LAMA2: variants seen among roughly 807,000 people sequenced by gnomAD.
LAMA2 encodes the protein laminin subunit alpha-2.
A neutral mutation model predicts 364.8 loss-of-function variants in LAMA2; 269 were observed. The ratio of observed to expected loss-of-function variants is 0.74; its 90% CI spans 0.67 to 0.82. The LOEUF (loss-of-function observed/expected upper bound fraction) is 0.82, where lower values mean the gene tolerates loss of function less well. LAMA2 is among the 40% of genes least tolerant of loss of function. The pLI, the probability that LAMA2 is intolerant of heterozygous loss-of-function variation, is 0.00. For synonymous variants in LAMA2, 1,379 were observed against 1,370.6 expected (o/e 1.01, Z -0.14); for missense variants, 3,807 against 3,873.2 (o/e 0.98, Z 0.45).
intron 44 of LAMA2, among the ~76,000 whole-genome samples, chr6:129,443,858 T>C (rs955824709): frequency 6.6e-6 from 1 of 152,064 alleles, no homozygotes; most frequent in African/African-American, 2.4e-5. Context: ...CAGCGGAAAA[T>C]GAGAGCAACT....
intron 1 of LAMA2, among the ~76,000 whole-genome samples, chr6:129,008,228 T>A (rs1409182782): frequency 6.6e-6 from 1 of 152,090 alleles, no homozygotes; most frequent in Non-Finnish European, 1.5e-5. Flanking sequence ...AAACTCTGTG[T>A]GCATTTACTG....
At chr6:129,288,090 AAT>A (rs1789407646) in intron 19 of LAMA2, 32 bp downstream of exon 19, 1 of 1,575,406 alleles carries the variant, frequency 6.3e-7, no homozygotes, top group East Asian at 2.2e-5. Context: ...CCCCTGACAG[AAT>A]TGATGTATTG....
chr6:129,442,347 C>T (rs1782161900), intron 43 of LAMA2: 3 of 546,906 alleles, frequency 5.5e-6, no homozygotes, highest in Admixed American at 5.4e-5. Context: ...GAGATAAAAA[C>T]ATTTTTTAAA....
At chr6:129,047,294 C>G (rs1272244495) in intron 1 of LAMA2, among the ~76,000 whole-genome samples, 1 of 152,148 alleles carries the variant, frequency 6.6e-6, no homozygotes, top group African/African-American at 2.4e-5. Flanking sequence ...TAATATTTCT[C>G]TAACCAACAA....
In LAMA2 at chr6:129,509,921, A is replaced by T. The variant is rs1213098764; in HGVS notation, c.8857+2279A>T. ...AATAGGGATTATATTAAATCTGCAGATTGCTCTGGGTAGTATGGACATTTT... is the reference window on the plus strand; with the variant it reads ...AATAGGGATTATATTAAATCTGCAGTTTGCTCTGGGTAGTATGGACATTTT... On this transcript the variant is annotated intron_variant, in intron 62 of 64. Coordinates refer to ENST00000421865, the MANE Select transcript of LAMA2 (RefSeq NM_000426.4). 2.0e-5 allele frequency among the ~76,000 whole-genome samples: 3 copies of T among 152,262 alleles called. No homozygotes were observed. The East Asian group carries it at 5.8e-4, about 29-fold the overall frequency.
chr6:129,087,715 G>T (rs1774462435), intron 3 of LAMA2, among the ~76,000 whole-genome samples: 1 of 151,928 alleles, frequency 6.6e-6, no homozygotes, highest in South Asian at 2.1e-4. Context: ...GAGAGTGATT[G>T]TAATAGGGTG....
intron 1 of LAMA2, among the ~76,000 whole-genome samples, chr6:128,924,483 A>C (rs943130356): frequency 6.6e-6 from 1 of 152,178 alleles, no homozygotes; most frequent in African/African-American, 2.4e-5. Context: ...ACAACCTGCC[A>C]TTTTGATTGT....
intron 22 of LAMA2, among the ~76,000 whole-genome samples, chr6:129,305,542 C>T (rs1465556523): frequency 2.0e-5 from 3 of 152,008 alleles, no homozygotes; most frequent in East Asian, 1.9e-4. Context: ...CCATGCTTGT[C>T]TCAAAGTCCT....
At chr6:129,021,235 C>A (rs542350520) in intron 1 of LAMA2, among the ~76,000 whole-genome samples, 1 of 152,220 alleles carries the variant, frequency 6.6e-6, no homozygotes, top group South Asian at 2.1e-4. Flanking sequence ...ATGAACCGGG[C>A]AAAATGTTGA....
At chr6:129,255,608 A>G (rs953833942) in intron 14 of LAMA2, among the ~76,000 whole-genome samples, 23 of 152,058 alleles carry the variant, frequency 1.5e-4, no homozygotes, top group Middle Eastern at 3.2e-3. Context: ...ACTCATGAGT[A>G]TTGCTTGAAA....
chr6:128,985,226 C>T (rs971056916), intron 1 of LAMA2, among the ~76,000 whole-genome samples: 8 of 152,236 alleles, frequency 5.3e-5, no homozygotes, highest in African/African-American at 1.9e-4. Context: ...TTCCTGGTCT[C>T]TTTTGAAGGG....
At chr6:129,304,104 A>G (rs1174215337) in intron 22 of LAMA2, among the ~76,000 whole-genome samples, 1 of 152,172 alleles carries the variant, frequency 6.6e-6, no homozygotes, top group African/African-American at 2.4e-5. Flanking sequence ...AATCACAAAT[A>G]AAAGGGGGAC....
intron 4 of LAMA2, among the ~76,000 whole-genome samples, chr6:129,099,114 G>GTTTTTTTTTTTTTT (rs766080944): frequency 1.8e-5 from 2 of 109,382 alleles, no homozygotes; most frequent in African/African-American, 6.4e-5. Flanking sequence ...GGGCGGGGAG[G>GTTTTTTTTTTTTTT]TTTTTTTTTT....
intron 12 of LAMA2, among the ~76,000 whole-genome samples, chr6:129,203,701 C>T (rs1045426281): frequency 1.3e-5 from 2 of 152,202 alleles, no homozygotes; most frequent in African/African-American, 4.8e-5. Context: ...CTCATATAAG[C>T]GGATGACCTG....
Position 129,458,088 on chromosome 6 carries a change from G to C in LAMA2, c.6867+1594G>C, listed in dbSNP as rs115722205. Among the ~76,000 whole-genome samples the C allele has an allele frequency of 7.4e-3, 1,131 of 152,154 alleles. 17 individuals are homozygous for C. Among genetic ancestry groups the C allele is most frequent in the African/African-American group, 0.026 (1,076 of 41,546 alleles). ...CTAATATTCTCATTCTGTAGTTAAG[G>C]AATCTGAAGAAGAGAGATGTTAAAT... is the stretch of plus-strand genomic sequence containing the variant. On this transcript the variant is annotated intron_variant, in intron 48 of 64. Coordinates refer to ENST00000421865, the MANE Select transcript of LAMA2 (RefSeq NM_000426.4).
intron 41 of LAMA2, among the ~76,000 whole-genome samples, chr6:129,428,761 T>C (rs1438215272): frequency 6.6e-6 from 1 of 152,192 alleles, no homozygotes; most frequent in East Asian, 1.9e-4. Context: ...ACATTTTTCT[T>C]GTATTTTATT....
At chr6:129,014,512 A>G (rs959261919) in intron 1 of LAMA2, among the ~76,000 whole-genome samples, 11 of 152,210 alleles carry the variant, frequency 7.2e-5, no homozygotes, top group African/African-American at 2.2e-4. Context: ...ATCAGAAGCC[A>G]TATAAACACT....
chr6:129,119,852 T>C (rs1776704087), intron 4 of LAMA2, among the ~76,000 whole-genome samples: 1 of 152,182 alleles, frequency 6.6e-6, no homozygotes. Flanking sequence ...CCGGCCCACA[T>C]TTTATTTTTG....
intron 1 of LAMA2, among the ~76,000 whole-genome samples, chr6:128,894,154 G>A (rs182574339): frequency 6.6e-5 from 10 of 152,146 alleles, no homozygotes; most frequent in East Asian, 1.9e-4. Flanking sequence ...ATTTTTGTAC[G>A]CTTTTATATT....
Sources: gnomAD v4.1 joint callset for allele counts (sites outside exome capture counted in the v4.1 genomes callset) on GRCh38, gnomAD v4.1.1 for gene constraint, MANE v1.5 for transcripts, NCBI Gene and HGNC (gene_info 2026-07-23, HGNC 2026-07-21) for gene names.